NELL1: variants seen among roughly 807,000 people sequenced by gnomAD.
NELL1 encodes neural EGFL like 1.
NELL1 carries 76 observed loss-of-function variants against 107.4 expected under a neutral mutation model. That is an observed-to-expected ratio of 0.71 (90% confidence interval 0.59 to 0.86). The LOEUF is 0.86. NELL1 is among the 40% of genes least tolerant of loss of function. The pLI, the probability that NELL1 is intolerant of heterozygous loss-of-function variation, is 0.00. For synonymous variants in NELL1, 353 were observed against 341.2 expected, an observed-to-expected ratio of 1.03 and a Z score of -0.38; for missense variants, 1,024 against 1,005.5, an observed-to-expected ratio of 1.02 and a Z score of -0.25.
chr11:20,905,300 A>G (rs1202391365), intron 5 of NELL1, among the ~76,000 whole-genome samples: 3 of 152,298 alleles, frequency 2.0e-5, no homozygotes, highest in South Asian at 2.1e-4. Context: ...AGCAAACCCC[A>G]GTAAAGGGGC....
intron 4 of NELL1, among the ~76,000 whole-genome samples, chr11:20,861,622 A>T (rs1706275519): frequency 6.6e-6 from 1 of 152,188 alleles, no homozygotes; most frequent in African/African-American, 2.4e-5. Context: ...GATGGGAGTA[A>T]CAAGATTGAA....
chr11:21,570,675 G>C lies in NELL1; in HGVS notation c.1981-89G>C, dbSNP rs1356180087. 3.8e-6 allele frequency: 5 copies of C among 1,305,738 alleles called. No homozygotes were observed. The Admixed American group carries it at 9.5e-5, about 25-fold the overall frequency. 80.9% of individuals were successfully genotyped at this position (1,305,738 alleles called of 1,614,324 possible). On this transcript the variant is annotated intron_variant, in intron 17 of 19. Transcript: ENST00000357134. Reference sequence around the variant, plus strand: ...ACAGAATGAGAGGTGGCCAGGGGGTGACCAAACATCCAAGAAGTTCATTTC... The same window carrying C: ...ACAGAATGAGAGGTGGCCAGGGGGTCACCAAACATCCAAGAAGTTCATTTC...
At chr11:20,705,425 T>C (rs1038799264) in intron 2 of NELL1, among the ~76,000 whole-genome samples, 7 of 152,038 alleles carry the variant, frequency 4.6e-5, no homozygotes, top group East Asian at 1.9e-4. Context: ...AAGGATTCCC[T>C]ATTTAATAAA....
chr11:21,389,299 C>G (rs1016184780), intron 15 of NELL1, among the ~76,000 whole-genome samples: 1 of 151,786 alleles, frequency 6.6e-6, no homozygotes. Flanking sequence ...TAGGCAGTTT[C>G]TGGTTTTCTA....
At chr11:20,892,491 C>G (rs1849636904) in intron 5 of NELL1, among the ~76,000 whole-genome samples, 1 of 152,176 alleles carries the variant, frequency 6.6e-6, no homozygotes, top group African/African-American at 2.4e-5. Context: ...GGTGGGAATG[C>G]AAATTAGTTC....
intron 2 of NELL1, among the ~76,000 whole-genome samples, chr11:20,699,523 A>G (rs1029174429): frequency 2.0e-5 from 3 of 151,940 alleles, no homozygotes; most frequent in Non-Finnish European, 4.4e-5. Context: ...ACCATGCCCA[A>G]CTAATTTGTG....
At chr11:21,362,750 A>G (rs1272704178) in intron 14 of NELL1, among the ~76,000 whole-genome samples, 1 of 152,022 alleles carries the variant, frequency 6.6e-6, no homozygotes, top group Non-Finnish European at 1.5e-5. Flanking sequence ...AACTCCCAAG[A>G]GATTGTCTTT....
At chr11:21,293,742 T>A (rs1849319759) in intron 14 of NELL1, among the ~76,000 whole-genome samples, 1 of 152,160 alleles carries the variant, frequency 6.6e-6, no homozygotes, top group East Asian at 1.9e-4. Context: ...CATGGAATAC[T>A]ATGCAGCCAT....
intron 13 of NELL1, among the ~76,000 whole-genome samples, chr11:21,146,780 T>A (rs931089441): frequency 1.3e-5 from 2 of 149,780 alleles, no homozygotes; most frequent in Non-Finnish European, 3.0e-5. Context: ...CGGTGACTCA[T>A]GCCTGTAATC....
chr11:20,844,808 G>C (rs1202553610), intron 3 of NELL1, among the ~76,000 whole-genome samples: 2 of 152,188 alleles, frequency 1.3e-5, no homozygotes, highest in African/African-American at 4.8e-5. Context: ...AGACCTTGGG[G>C]TTATCCCAAT....
intron 14 of NELL1, among the ~76,000 whole-genome samples, chr11:21,275,753 A>C (rs1848842127): frequency 6.6e-6 from 1 of 152,236 alleles, no homozygotes; most frequent in African/African-American, 2.4e-5. Flanking sequence ...AACATACGCA[A>C]ATCAATAAAT....
At position 20,862,655 on chromosome 11, in the gene NELL1, A is replaced by G. The variant is rs1849000891; in HGVS notation, c.506+14902A>G. Among the ~76,000 whole-genome samples the G allele has an allele frequency of 4.8e-5, 6 of 124,062 alleles. No individual in the cohort carries two copies. In the Admixed American group the frequency reaches 6.4e-4, roughly 13 times the overall value. The allele number at this position is 124,062 out of a possible 152,430, so 81.4% of individuals were successfully genotyped here. A position where few individuals can be genotyped will look rare whatever the true frequency, so the allele number is the denominator to read the frequency against. On this transcript the variant is annotated intron_variant, in intron 4 of 19. Coordinates refer to ENST00000357134, the MANE Select transcript of NELL1 (RefSeq NM_006157.5). ...TTGATCATTCTTGGGTGTTTCTCGC[A>G]GAGGATTTGGCAGGGTCATAGGACA...
At chr11:21,101,439 G>C (rs1473890995) in intron 12 of NELL1, among the ~76,000 whole-genome samples, 1 of 152,172 alleles carries the variant, frequency 6.6e-6, no homozygotes, top group Non-Finnish European at 1.5e-5. Flanking sequence ...GGTTGAACTA[G>C]TTTACAGTCC....
chr11:21,340,616 G>A (rs1565177019), intron 14 of NELL1, among the ~76,000 whole-genome samples: 1 of 99,390 alleles, frequency 1.0e-5, no homozygotes, highest in Admixed American at 1.4e-4. Flanking sequence ...CCTTTATGAC[G>A]GGTTACACAC....
chr11:21,107,777 G>C (rs1554968628), intron 12 of NELL1, among the ~76,000 whole-genome samples: 2 of 152,150 alleles, frequency 1.3e-5, no homozygotes, highest in Non-Finnish European at 2.9e-5. Flanking sequence ...AGTGATGGTT[G>C]GCTAAAGGGT....
chr11:20,941,214 A>C (rs1040244924), intron 10 of NELL1, among the ~76,000 whole-genome samples: 17 of 152,242 alleles, frequency 1.1e-4, no homozygotes, highest in African/African-American at 4.1e-4. Flanking sequence ...CTAATAGGTT[A>C]GTGGATTTCC....
intron 4 of NELL1, among the ~76,000 whole-genome samples, chr11:20,869,330 G>T (rs1276482517): frequency 6.6e-6 from 1 of 152,160 alleles, no homozygotes. Context: ...TTTCATTTAT[G>T]CATGGAAATG....
intron 15 of NELL1, among the ~76,000 whole-genome samples, chr11:21,528,151 T>C (rs1855900160): frequency 6.6e-6 from 1 of 152,172 alleles, no homozygotes; most frequent in Non-Finnish European, 1.5e-5. Flanking sequence ...GGATTATAAG[T>C]TACAGAACGA....
At chr11:21,060,833 C>T (rs1009871676) in intron 12 of NELL1, among the ~76,000 whole-genome samples, 2 of 152,154 alleles carry the variant, frequency 1.3e-5, no homozygotes, top group African/African-American at 2.4e-5. Flanking sequence ...TTCTGAGTAG[C>T]TGGGATTACA....
Sources: allele counts gnomAD v4.1 joint callset (sites outside exome capture counted in the v4.1 genomes callset), GRCh38; gene constraint gnomAD v4.1.1; transcripts MANE v1.5; gene names NCBI Gene and HGNC (gene_info 2026-07-23, HGNC 2026-07-21).